ACVR2B: variants seen among roughly 807,000 people sequenced by gnomAD.
ACVR2B encodes activin receptor type-2B.
ACVR2B carries 18 observed loss-of-function variants against 65.1 expected under a neutral mutation model. The observed-to-expected ratio is 0.28, with a 90% confidence interval of 0.19 to 0.41. ACVR2B has a LOEUF of 0.41. ACVR2B is among the 10% of genes least tolerant of loss of function. The probability of loss-of-function intolerance (pLI) is 1.00; values close to 1 mark genes in which losing one functional copy is unlikely to be tolerated. For missense variants in ACVR2B, 482 were observed against 682.7 expected, an observed-to-expected ratio of 0.71 and a Z score of 3.28; for synonymous variants, 298 against 277.7, an observed-to-expected ratio of 1.07 and a Z score of -0.73.
chr3:38,456,163 A>G (rs1709547476), intron 1 of ACVR2B, among the ~76,000 whole-genome samples: 1 of 152,216 alleles, frequency 6.6e-6, no homozygotes, highest in African/African-American at 2.4e-5. Flanking sequence ...AGTCAGAGTC[A>G]CACTATAAGG....
chr3:38,461,081 C>T (rs1355734977), intron 1 of ACVR2B, among the ~76,000 whole-genome samples: 3 of 152,180 alleles, frequency 2.0e-5, no homozygotes, highest in African/African-American at 7.2e-5. Flanking sequence ...GAAGCTGACT[C>T]TCTCGAGTGT....
At position 38,490,560 on chromosome 3, in the gene ACVR2B, G is replaced by A. The variant is rs1159306650; in HGVS notation, c.*7228G>A. ...TGCCTTTGTTTTTATCACTCTCTTC[G>A]CCCCAAAAGCAACTGCTGTAAGCTT... On this transcript the variant is annotated 3_prime_UTR_variant, in exon 11 of 11. Transcript: ENST00000352511. 6.6e-6 allele frequency: 1 copy of A among 152,338 alleles called. No individual in the cohort carries two copies. The highest frequency in any genetic ancestry group is 1.5e-5 in the Non-Finnish European group (1 of 67,998). 9.4% of individuals were successfully genotyped at this position (152,338 alleles called of 1,614,324 possible). A position where few individuals can be genotyped will look rare whatever the true frequency, so the allele number is the denominator to read the frequency against.
In ACVR2B at chr3:38,462,261, G is replaced by T. The variant is rs557610414; in HGVS notation, c.52+7887G>T. ...AATAGGCTTTTTTCCACCTAAAATG[G>T]TATTCAAGCATTTAATTGAAGTATA... is the stretch of plus-strand genomic sequence containing the variant. On this transcript the variant is annotated intron_variant, in intron 1 of 10. Transcript: ENST00000352511. Among the ~76,000 whole-genome samples, 3 of 152,148 alleles carry T rather than the reference G, an allele frequency of 2.0e-5. No homozygotes were observed. In the East Asian group the frequency reaches 5.8e-4, roughly 29 times the overall value.
Position 38,477,968 on chromosome 3 carries a change from A to C in ACVR2B, c.368A>C (p.Glu123Ala). Residue 123 changes from glutamate to alanine, a missense_variant and splice_region_variant, in exon 3 of 11, where the codon GAA becomes GCA. By Grantham distance (107) the Glu-to-Ala change is moderately radical. Transcript: ENST00000352511. The surrounding 1 kb of genome is among the most constrained non-coding windows in gnomAD (Gnocchi z 6.7). ...FTHLPEAGGP[E>A]VTYEPPPTAP... ...CATTTGCCAGAGGCTGGGGGCCCGG[A>C]AGGTAAGGGGGCAGTGTGGAAGTGG... 1.2e-6 allele frequency: 2 copies of C among 1,613,802 alleles called. No homozygotes were observed. Among genetic ancestry groups the C allele is most frequent in the Admixed American group, 1.7e-5 (1 of 59,998 alleles).
rs1376634344 is a variant in ACVR2B at position 38,477,751 on chromosome 3, C to A, written c.261-110C>A. The stretch of plus-strand genomic sequence containing the variant: ...GGGGAGGTGAGTTCACACCGTCCCC[C>A]TGGTGTTGCCCATGAGGTGCTCTGT... On this transcript the variant is annotated intron_variant, in intron 2 of 10. Coordinates refer to ENST00000352511, the MANE Select transcript of ACVR2B (RefSeq NM_001106.4). This position sits in a 1 kb window ranked among gnomAD's most constrained non-coding sequence, Gnocchi z 6.7. 1.7e-6 allele frequency: 2 copies of A among 1,200,022 alleles called. No homozygotes were observed. Among genetic ancestry groups the A allele is most frequent in the East Asian group, 4.6e-5 (2 of 43,012 alleles). 74.3% of individuals were successfully genotyped at this position (1,200,022 alleles called of 1,614,324 possible).
intron 1 of ACVR2B, among the ~76,000 whole-genome samples, chr3:38,468,702 CTTTA>C (rs1709772291): frequency 6.6e-6 from 1 of 152,154 alleles, no homozygotes; most frequent in Non-Finnish European, 1.5e-5. Flanking sequence ...TGCTTTTCTA[CTTTA>C]TCCAGAGCCA....
intron 1 of ACVR2B, among the ~76,000 whole-genome samples, chr3:38,460,766 A>C (rs1278511074): frequency 6.6e-6 from 1 of 152,218 alleles, no homozygotes; most frequent in African/African-American, 2.4e-5. Context: ...CTCCCTGGCC[A>C]GTTTCTGGGC....
Position 38,477,720 on chromosome 3 carries a change from C to T in ACVR2B, c.261-141C>T, listed in dbSNP as rs1709936842. 6.6e-6 allele frequency: 7 copies of T among 1,067,222 alleles called. No individual in the cohort carries two copies. The highest frequency in any genetic ancestry group is 1.5e-5 in the African/African-American group (1 of 64,652). The allele number at this position is 1,067,222 out of a possible 1,614,324, so 66.1% of individuals were successfully genotyped here. ...GCTGTTCTTCCTTGGCTTTGGGTCT[C>T]CTGTAGGGGAGGTGAGTTCACACCG... On this transcript the variant is annotated intron_variant, in intron 2 of 10. Coordinates refer to ENST00000352511, the MANE Select transcript of ACVR2B (RefSeq NM_001106.4). The surrounding 1 kb of genome is among the most constrained non-coding windows in gnomAD (Gnocchi z 6.7).
In ACVR2B at chr3:38,477,986, G is replaced by A. The variant is rs751567374; in HGVS notation, c.370+16G>A. On this transcript the variant is annotated intron_variant, in intron 3 of 10. Coordinates refer to ENST00000352511, the MANE Select transcript of ACVR2B (RefSeq NM_001106.4). This position sits in a 1 kb window ranked among gnomAD's most constrained non-coding sequence, Gnocchi z 6.7. ...GGCCCGGAAGGTAAGGGGGCAGTGT[G>A]GAAGTGGGGCCTTGAGTCAGCCGAC... 35 of 1,613,180 alleles carry A rather than the reference G, an allele frequency of 2.2e-5. No homozygotes were observed. The Middle Eastern group carries it at 4.9e-4, about 23-fold the overall frequency.
At chr3:38,470,636 T>A (rs1298914314) in intron 1 of ACVR2B, among the ~76,000 whole-genome samples, 1 of 152,130 alleles carries the variant, frequency 6.6e-6, no homozygotes, top group Non-Finnish European at 1.5e-5. Flanking sequence ...ACAAATAATG[T>A]CTGATTTGGG....
chr3:38,460,069 A>G (rs899968023), intron 1 of ACVR2B, among the ~76,000 whole-genome samples: 3 of 152,174 alleles, frequency 2.0e-5, no homozygotes, highest in Non-Finnish European at 2.9e-5. Flanking sequence ...CCAGTTTCCA[A>G]GTGCTCCACA....
intron 1 of ACVR2B, among the ~76,000 whole-genome samples, chr3:38,457,810 G>T (rs1167552214): frequency 6.6e-6 from 1 of 152,218 alleles, no homozygotes; most frequent in Non-Finnish European, 1.5e-5. Flanking sequence ...CCTTGGGGGA[G>T]GGCGGAGGGA....
chr3:38,465,194 C>A (rs541434764), intron 1 of ACVR2B, among the ~76,000 whole-genome samples: 1 of 151,838 alleles, frequency 6.6e-6, no homozygotes, highest in African/African-American at 2.4e-5. Context: ...GACAGGAGTT[C>A]AAGACCAACC....
At chr3:38,466,908 C>T (rs1170655065) in intron 1 of ACVR2B, among the ~76,000 whole-genome samples, 2 of 152,126 alleles carry the variant, frequency 1.3e-5, no homozygotes, top group African/African-American at 4.8e-5. Flanking sequence ...GAATGAAGAG[C>T]AATGAAAATA....
At chr3:38,456,587 C>T (rs1303443430) in intron 1 of ACVR2B, among the ~76,000 whole-genome samples, 1 of 152,190 alleles carries the variant, frequency 6.6e-6, no homozygotes, top group East Asian at 1.9e-4. Context: ...TGTCAAAGTT[C>T]TGGAAGCTCT....
intron 10 of ACVR2B, among the ~76,000 whole-genome samples, chr3:38,482,779 T>C (rs1710040738): frequency 6.6e-6 from 1 of 152,140 alleles, no homozygotes; most frequent in African/African-American, 2.4e-5. Flanking sequence ...TGGGCACTTG[T>C]ATGGTTTGGG....
chr3:38,471,147 A>G lies in ACVR2B; in HGVS notation c.53-6140A>G, dbSNP rs142986227. Among the ~76,000 whole-genome samples the G allele has an allele frequency of 6.6e-3, 1,004 of 152,350 alleles. 5 individuals carry two copies. Among genetic ancestry groups the G allele is most frequent in the Middle Eastern group, 0.02 (6 of 294 alleles). ...GACTTTTTGGCAAAGAGCATTCATT[A>G]CAAATGAAGAGGGTTACTATATAGT... On this transcript the variant is annotated intron_variant, in intron 1 of 10. Transcript: ENST00000352511.
Position 38,482,575 on chromosome 3 carries a change from T to G in ACVR2B, c.1344+15T>G, listed in dbSNP as rs1038397919. The G allele has an allele frequency of 1.9e-6, 3 of 1,607,972 alleles. No homozygotes were observed. In the African/African-American group the frequency reaches 4.0e-5, roughly 22 times the overall value. On this transcript the variant is annotated intron_variant, in intron 10 of 10. Transcript: ENST00000352511. ...TGAAACACCCGGTAAGGGGCCTGGT[T>G]CAGGCAACTTTGCAGGGGGGTGGAG...
In ACVR2B at chr3:38,490,551, A is replaced by G. The variant is rs1354245931; in HGVS notation, c.*7219A>G. 1 of 151,436 alleles carries G rather than the reference A, an allele frequency of 6.6e-6. No homozygotes were observed. Among genetic ancestry groups the G allele is most frequent in the African/African-American group, 2.4e-5 (1 of 40,984 alleles). 9.4% of individuals were successfully genotyped at this position (151,436 alleles called of 1,614,324 possible). On this transcript the variant is annotated 3_prime_UTR_variant, in exon 11 of 11. Transcript: ENST00000352511. ...ATTCTGTTGTGCCTTTGTTTTTATC[A>G]CTCTCTTCGCCCCAAAAGCAACTGC...
Sources: gnomAD v4.1 joint callset for allele counts (sites outside exome capture counted in the v4.1 genomes callset) on GRCh38, gnomAD v4.1.1 for gene constraint, Gnocchi (gnomAD v3.1) non-coding constraint, MANE v1.5 for transcripts, NCBI Gene and HGNC (gene_info 2026-07-23, HGNC 2026-07-21) for gene names.